CSMD1: variants seen among roughly 807,000 people sequenced by gnomAD.
CSMD1 encodes the protein CUB and sushi domain-containing protein 1.
CSMD1 carries 213 observed loss-of-function variants against 417.5 expected under a neutral mutation model. The ratio of observed to expected loss-of-function variants is 0.51; its 90% CI spans 0.46 to 0.57. The LOEUF (loss-of-function observed/expected upper bound fraction) is 0.57. Among genes scored for constraint, CSMD1 ranks in the 20% least tolerant of loss-of-function variants. The probability of loss-of-function intolerance (pLI) is 0.00; values close to 1 mark genes in which losing one functional copy is unlikely to be tolerated. For synonymous variants in CSMD1, 2,862 were observed against 1,736.8 expected (o/e 1.65, Z -16.11); for missense variants, 6,923 against 4,529.7 (o/e 1.53, Z -15.17).
rs138422619 is a variant in CSMD1 at position 3,071,384 on chromosome 8, G to C, written c.7474+15713C>G. On this transcript the variant is annotated intron_variant, in intron 49 of 69. Coordinates refer to ENST00000635120, the MANE Select transcript of CSMD1 (RefSeq NM_033225.6). ...GGAGCAAGAGGAGGGAGAGCATTAG[G>C]ACAAATACCTAATGAATGCAGGGCT... Among the ~76,000 whole-genome samples the C allele has an allele frequency of 7.3e-3, 1,118 of 152,224 alleles. 15 individuals carry two copies. The highest frequency in any genetic ancestry group is 0.025 in the African/African-American group (1,047 of 41,530).
intron 3 of CSMD1, among the ~76,000 whole-genome samples, chr8:4,344,499 A>AT (rs1254852166): frequency 3.3e-5 from 5 of 151,448 alleles, no homozygotes; most frequent in African/African-American, 1.2e-4. Flanking sequence ...CTATTTTTTC[A>AT]TTTTCATAAA....
chr8:3,733,353 A>C (rs146832324), intron 6 of CSMD1, among the ~76,000 whole-genome samples: 3,486 of 147,866 alleles, frequency 0.024, 64 homozygotes, highest in Non-Finnish European at 0.035. Flanking sequence ...TATATATTAT[A>C]TATATAATAT....
chr8:4,092,660 G>A (rs1039846307), intron 3 of CSMD1, among the ~76,000 whole-genome samples: 1 of 152,260 alleles, frequency 6.6e-6, no homozygotes, highest in Non-Finnish European at 1.5e-5. Context: ...TTTCCAAACA[G>A]AATTCAGTAG....
intron 3 of CSMD1, among the ~76,000 whole-genome samples, chr8:4,378,962 A>T (rs1364175881): frequency 2.6e-5 from 4 of 152,210 alleles, no homozygotes; most frequent in Admixed American, 6.5e-5. Context: ...TAAGCCTTCC[A>T]GTTTATGATA....
intron 37 of CSMD1, among the ~76,000 whole-genome samples, chr8:3,171,414 C>T (rs1308556143): frequency 6.6e-6 from 1 of 152,216 alleles, no homozygotes; most frequent in Non-Finnish European, 1.5e-5. Context: ...CTCAATCCCA[C>T]TGACATGTCT....
chr8:3,821,062 G>A (rs987551209), intron 5 of CSMD1, among the ~76,000 whole-genome samples: 1 of 151,988 alleles, frequency 6.6e-6, no homozygotes, highest in East Asian at 1.9e-4. Context: ...GATTACAGGT[G>A]TGTGCCACCA....
chr8:4,313,716 T>G (rs1798759539), intron 3 of CSMD1, among the ~76,000 whole-genome samples: 1 of 152,000 alleles, frequency 6.6e-6, no homozygotes, highest in African/African-American at 2.4e-5. Flanking sequence ...GTCATATGAC[T>G]TAAAAAAAGC....
At chr8:3,461,779 C>T (rs376692498) in intron 12 of CSMD1, among the ~76,000 whole-genome samples, 1 of 152,206 alleles carries the variant, frequency 6.6e-6, no homozygotes, top group African/African-American at 2.4e-5. Context: ...ACGATTTATC[C>T]ATGGGGACTC....
chr8:4,015,420 A>G (rs149126763), intron 4 of CSMD1, among the ~76,000 whole-genome samples: 5 of 152,270 alleles, frequency 3.3e-5, no homozygotes, highest in Non-Finnish European at 5.9e-5. Context: ...CTGACAGTTC[A>G]TATAGAATTG....
intron 5 of CSMD1, among the ~76,000 whole-genome samples, chr8:3,891,340 G>A (rs1010178337): frequency 2.5e-4 from 38 of 152,138 alleles, no homozygotes; most frequent in South Asian, 1.5e-3. Context: ...GTGAGCCACC[G>A]CGCCTATCCT....
At chr8:3,042,866 C>A (rs2086840) in intron 50 of CSMD1, among the ~76,000 whole-genome samples, 1 of 151,744 alleles carries the variant, frequency 6.6e-6, no homozygotes, top group African/African-American at 2.4e-5. Flanking sequence ...TATACGTACA[C>A]AGAGTACTAT....
chr8:3,529,956 G>C (rs548532844), intron 10 of CSMD1, among the ~76,000 whole-genome samples: 1 of 152,178 alleles, frequency 6.6e-6, no homozygotes, highest in South Asian at 2.1e-4. Context: ...CAATAAATTT[G>C]CCCACGAAAT....
At chr8:4,189,899 T>A (rs909650698) in intron 3 of CSMD1, among the ~76,000 whole-genome samples, 2 of 152,048 alleles carry the variant, frequency 1.3e-5, no homozygotes, top group Admixed American at 1.3e-4. Context: ...TTCTAAGCCA[T>A]TGAAAATCTG....
chr8:3,439,281 GTA>G lies in CSMD1; in HGVS notation c.1561+29429_1561+29430del, dbSNP rs1168340584. Among the ~76,000 whole-genome samples the G allele has an allele frequency of 2.0e-3, 106 of 54,332 alleles. 2 individuals carry two copies. Among genetic ancestry groups the G allele is most frequent in the African/African-American group, 4.6e-3 (55 of 11,882 alleles). 35.6% of individuals were successfully genotyped at this position (54,332 alleles called of 152,430 possible). A position where few individuals can be genotyped will look rare whatever the true frequency, so the allele number is the denominator to read the frequency against. On this transcript the variant is annotated intron_variant, in intron 12 of 69. Transcript: ENST00000635120. ...TATTTGAGAGCATTTGGCAATGTCA[GTA>G]TATATATATATATATATATATATAT...
intron 5 of CSMD1, among the ~76,000 whole-genome samples, chr8:3,764,584 C>T (rs1216341160): frequency 6.6e-6 from 1 of 151,970 alleles, no homozygotes; most frequent in South Asian, 2.1e-4. Context: ...AGGATTTAAA[C>T]TTCTCTTGGA....
At chr8:4,694,454 C>A (rs1261850815) in intron 1 of CSMD1, among the ~76,000 whole-genome samples, 1 of 152,024 alleles carries the variant, frequency 6.6e-6, no homozygotes, top group Non-Finnish European at 1.5e-5. Context: ...CGGATTCAAG[C>A]GATTCTCCTG....
chr8:4,801,058 G>GA (rs1294238883), intron 1 of CSMD1, among the ~76,000 whole-genome samples: 4 of 151,892 alleles, frequency 2.6e-5, no homozygotes, highest in Non-Finnish European at 5.9e-5. Context: ...AAGTAAAAGG[G>GA]AAAAAAACCT....
At chr8:4,104,587 A>C (rs1015385721) in intron 3 of CSMD1, among the ~76,000 whole-genome samples, 1 of 152,196 alleles carries the variant, frequency 6.6e-6, no homozygotes, top group African/African-American at 2.4e-5. Flanking sequence ...ATGAATTAAT[A>C]ATTGCATGAG....
intron 1 of CSMD1, among the ~76,000 whole-genome samples, chr8:4,816,735 T>G (rs927074714): frequency 2.0e-5 from 3 of 151,940 alleles, no homozygotes; most frequent in South Asian, 2.1e-4. Flanking sequence ...ATCAATCAAC[T>G]AGGAGGCTGT....
Sources: allele counts gnomAD v4.1 joint callset (sites outside exome capture counted in the v4.1 genomes callset), GRCh38; gene constraint gnomAD v4.1.1; transcripts MANE v1.5; gene names NCBI Gene and HGNC (gene_info 2026-07-23, HGNC 2026-07-21).